Variants in DLGAP1 observed in about 807,000 individuals in gnomAD.
DLGAP1 encodes the protein disks large-associated protein 1.
DLGAP1 carries 11 observed loss-of-function variants against 90.8 expected under a neutral mutation model. The observed-to-expected ratio is 0.12, with a 90% CI of 0.08 to 0.20. DLGAP1 has a LOEUF of 0.20. Among genes scored for constraint, DLGAP1 ranks in the 10% least tolerant of loss-of-function variants. DLGAP1 has a pLI of 1.00. For synonymous variants in DLGAP1, 558 were observed against 540.7 expected (o/e 1.03, Z -0.44); for missense variants, 1,050 against 1,333.8 (o/e 0.79, Z 3.31).
chr18:3,969,339 T>C (rs780247497), intron 3 of DLGAP1, among the ~76,000 whole-genome samples: 2 of 152,192 alleles, frequency 1.3e-5, no homozygotes, highest in Non-Finnish European at 2.9e-5. Flanking sequence ...GAAGACTAAG[T>C]GGCAGAGAAA....
chr18:3,879,271 C>G lies in DLGAP1; in HGVS notation c.798G>C (p.Pro266=), dbSNP rs763989171. The change falls in exon 4 of 13, where the codon CCG becomes CCC. Residue 266 remains proline, a synonymous_variant. Coordinates refer to ENST00000315677, the MANE Select transcript of DLGAP1 (RefSeq NM_004746.4). This position sits in a 1 kb window ranked among gnomAD's most constrained non-coding sequence, Gnocchi z 6.6. ...DVKCSTCANL[P]VSLDTPLLKK... is the part of the protein sequence containing the mutation. ...TCAGCAGCGGGGTGTCCAGGCTGACCGGCAGGTTGGCGCAGGTGGAGCACT... is the reference window on the plus strand; with the variant it reads ...TCAGCAGCGGGGTGTCCAGGCTGACGGGCAGGTTGGCGCAGGTGGAGCACT... 6.3e-7 allele frequency: 1 copy of G among 1,598,292 alleles called. No individual in the cohort carries two copies. The highest frequency in any genetic ancestry group is 8.5e-7 in the Non-Finnish European group (1 of 1,171,842).
At chr18:4,031,658 T>C (rs913742144) in intron 2 of DLGAP1, among the ~76,000 whole-genome samples, 5 of 152,180 alleles carry the variant, frequency 3.3e-5, no homozygotes, top group South Asian at 2.1e-4. Flanking sequence ...AGCTTTCCAA[T>C]AGTCAGTTTC....
chr18:3,520,488 T>TA (rs1376519065), intron 10 of DLGAP1, among the ~76,000 whole-genome samples: 1 of 152,198 alleles, frequency 6.6e-6, no homozygotes, highest in East Asian at 1.9e-4. Context: ...ACTCTGGAGA[T>TA]AACGTTCTTA....
chr18:4,443,195 A>G (rs538108741), intron 1 of DLGAP1, among the ~76,000 whole-genome samples: 1 of 152,366 alleles, frequency 6.6e-6, no homozygotes, highest in Admixed American at 6.5e-5. Flanking sequence ...GAACAGAAGG[A>G]CAACTGAACT....
At chr18:4,107,610 A>G (rs1158279124) in intron 2 of DLGAP1, among the ~76,000 whole-genome samples, 2 of 152,228 alleles carry the variant, frequency 1.3e-5, no homozygotes, top group Admixed American at 1.3e-4. Context: ...AATATACCAA[A>G]AACCGTTGAA....
In DLGAP1 at chr18:4,374,979, ACTTCT is replaced by A. The variant is rs59941054; in HGVS notation, c.-267+80022_-267+80026del. ...ACTGACAAGAAAAAAATAAAATATC[ACTTCT>A]CTTCTAGTTATTTAGAGGATTTATT... is the stretch of plus-strand genomic sequence containing the variant. On this transcript the variant is annotated intron_variant, in intron 1 of 12. Transcript: ENST00000315677. Among the ~76,000 whole-genome samples the A allele has an allele frequency of 3.4e-3, 521 of 152,254 alleles. 10 individuals are homozygous for A. The highest frequency in any genetic ancestry group is 0.032 in the East Asian group (168 of 5,186).
intron 7 of DLGAP1, among the ~76,000 whole-genome samples, chr18:3,619,742 CTTTTTTT>C (rs10625913): frequency 7.1e-5 from 8 of 112,408 alleles, no homozygotes; most frequent in Non-Finnish European, 1.0e-4. Flanking sequence ...TAGTTTTTTC[CTTTTTTT>C]TTTTTTTTTT....
intron 7 of DLGAP1, among the ~76,000 whole-genome samples, chr18:3,674,728 C>T (rs1384659147): frequency 3.9e-5 from 6 of 152,068 alleles, no homozygotes; most frequent in African/African-American, 1.2e-4. Flanking sequence ...ACTGTCATCA[C>T]CTATACCACG....
At chr18:3,699,810 T>G (rs923244173) in intron 7 of DLGAP1, among the ~76,000 whole-genome samples, 4 of 152,200 alleles carry the variant, frequency 2.6e-5, no homozygotes, top group Non-Finnish European at 4.4e-5. Context: ...CTGGGGCTGC[T>G]GCGTTTCTTT....
intron 7 of DLGAP1, among the ~76,000 whole-genome samples, chr18:3,661,460 A>G (rs930798876): frequency 1.3e-5 from 2 of 152,224 alleles, no homozygotes; most frequent in African/African-American, 4.8e-5. Flanking sequence ...AGCCTGAGAC[A>G]GCAGGTTACA....
At chr18:3,900,368 G>A (rs2071754669) in intron 3 of DLGAP1, among the ~76,000 whole-genome samples, 1 of 152,216 alleles carries the variant, frequency 6.6e-6, no homozygotes, top group Non-Finnish European at 1.5e-5. Flanking sequence ...TTCCAGCACA[G>A]ATGTCTGTAT....
intron 3 of DLGAP1, chr18:3,978,261 AC>A (rs1437532762): frequency 2.5e-6 from 1 of 407,654 alleles, no homozygotes. Context: ...AGAGGTGATG[AC>A]CCTTTTGGTA....
chr18:4,195,784 G>A (rs1003111494), intron 1 of DLGAP1, among the ~76,000 whole-genome samples: 3 of 152,074 alleles, frequency 2.0e-5, no homozygotes, highest in African/African-American at 4.8e-5. Context: ...AAATCCCAAT[G>A]TCAGGTGACT....
chr18:4,233,230 C>T (rs2078336376), intron 1 of DLGAP1, among the ~76,000 whole-genome samples: 1 of 152,110 alleles, frequency 6.6e-6, no homozygotes, highest in African/African-American at 2.4e-5. Flanking sequence ...CACTTATGTT[C>T]TATCCCTGGC....
chr18:4,270,171 G>C lies in DLGAP1; in HGVS notation c.-266-118884C>G, dbSNP rs532045364. Among the ~76,000 whole-genome samples the C allele has an allele frequency of 2.0e-5, 3 of 152,300 alleles. No homozygotes were observed. In the East Asian group the frequency reaches 5.8e-4, roughly 29 times the overall value. Reference sequence around the variant, plus strand: ...TGTAGATGAGATGCACTACTGCACTGTGTCATCACTAATACAGGGTGGTTT... The same window carrying C: ...TGTAGATGAGATGCACTACTGCACTCTGTCATCACTAATACAGGGTGGTTT... On this transcript the variant is annotated intron_variant, in intron 1 of 12. Transcript: ENST00000315677.
chr18:3,770,800 C>T (rs2064495607), intron 5 of DLGAP1: 1 of 152,264 alleles, frequency 6.6e-6, no homozygotes, highest in South Asian at 2.1e-4. Context: ...TTTAAATGGC[C>T]ACAGATACTC....
At chr18:4,320,162 C>T (rs979680221) in intron 1 of DLGAP1, among the ~76,000 whole-genome samples, 13 of 152,142 alleles carry the variant, frequency 8.5e-5, no homozygotes, top group African/African-American at 3.1e-4. Flanking sequence ...ATGAGAAAGA[C>T]AGAGTGAGAT....
At chr18:4,080,155 T>G (rs1380148328) in intron 2 of DLGAP1, among the ~76,000 whole-genome samples, 1 of 152,184 alleles carries the variant, frequency 6.6e-6, no homozygotes, top group Non-Finnish European at 1.5e-5. Flanking sequence ...CAGAGTTCTT[T>G]ATGCCTAAAA....
At chr18:3,813,196 G>A (rs1914283909) in intron 5 of DLGAP1, among the ~76,000 whole-genome samples, 1 of 152,102 alleles carries the variant, frequency 6.6e-6, no homozygotes, top group African/African-American at 2.4e-5. Flanking sequence ...ATATAATATG[G>A]TTGTCCCATA....
Sources: gnomAD v4.1 joint callset for allele counts (sites outside exome capture counted in the v4.1 genomes callset) on GRCh38, gnomAD v4.1.1 for gene constraint, Gnocchi (gnomAD v3.1) non-coding constraint, MANE v1.5 for transcripts, NCBI Gene and HGNC (gene_info 2026-07-23, HGNC 2026-07-21) for gene names.